GALNT13: variants seen among roughly 807,000 people sequenced by gnomAD.
GALNT13 encodes polypeptide N-acetylgalactosaminyltransferase 13, also known as UDP-GalNAc:polypeptide N-acetylgalactosaminyltransferase 13.
GALNT13 carries 28 observed loss-of-function variants against 64.2 expected under a neutral mutation model. That is an observed-to-expected ratio of 0.44 (90% CI 0.32 to 0.60). The LOEUF is 0.60. Among genes scored for constraint, GALNT13 ranks in the 20% least tolerant of loss-of-function variants. The pLI is 0.05. For synonymous variants in GALNT13, 214 were observed against 224.6 expected, an observed-to-expected ratio of 0.95 and a Z score of 0.42; for missense variants, 577 against 669.8, an observed-to-expected ratio of 0.86 and a Z score of 1.53.
chr2:153,280,882 T>C, the GALNT13 span, among the ~76,000 whole-genome samples: 165 of 152,200 alleles, frequency 1.1e-3, 2 homozygotes, highest in African/African-American at 4.1e-4. Flanking sequence ...TTAGGTCCAA[T>C]TGGTCATGCG....
chr2:153,230,619 C>A, the GALNT13 span, among the ~76,000 whole-genome samples: 1 of 152,164 alleles, frequency 6.6e-6, no homozygotes, highest in African/African-American at 2.4e-5. Context: ...TACAGTAGAG[C>A]AATCATTTCC....
At chr2:153,143,148 C>T in the GALNT13 span, among the ~76,000 whole-genome samples, 3 of 151,882 alleles carry the variant, frequency 2.0e-5, no homozygotes, top group African/African-American at 4.8e-5. Context: ...CATTTTTAGG[C>T]TACTTCTGGT....
intron 3 of GALNT13, among the ~76,000 whole-genome samples, chr2:154,021,257 T>C (rs1397950144): frequency 6.6e-6 from 1 of 152,218 alleles, no homozygotes; most frequent in East Asian, 1.9e-4. Context: ...GGTAGCTTGA[T>C]GGGGATGGCA....
the GALNT13 span, among the ~76,000 whole-genome samples, chr2:153,816,206 G>GTC: frequency 7.3e-4 from 111 of 152,260 alleles, no homozygotes; most frequent in African/African-American, 2.6e-3. Context: ...TACTTTAAAG[G>GTC]TAGTCAGGGA....
chr2:154,088,668 G>A (rs1701652507), intron 3 of GALNT13, among the ~76,000 whole-genome samples: 1 of 152,056 alleles, frequency 6.6e-6, no homozygotes, highest in South Asian at 2.1e-4. Context: ...GGCCATGCTG[G>A]TCTCGAACTC....
chr2:153,914,379 G>T (rs980429081), intron 2 of GALNT13, among the ~76,000 whole-genome samples: 2 of 151,554 alleles, frequency 1.3e-5, no homozygotes, highest in Non-Finnish European at 1.5e-5. Context: ...CAGCTACCTG[G>T]GAGGCTGAAG....
chr2:154,173,222 T>C (rs1021949420), intron 4 of GALNT13, among the ~76,000 whole-genome samples: 1 of 151,914 alleles, frequency 6.6e-6, no homozygotes, highest in African/African-American at 2.4e-5. Flanking sequence ...GAACATACAC[T>C]GGGGAATGAA....
At position 154,192,430 on chromosome 2, in the gene GALNT13, C is replaced by T. The variant is rs544438739; in HGVS notation, c.312-49600C>T. ...CCGCCCTTCTCCTCCCAGCTCTTCCCTGCCCCACTCCTGTATCACCTACAT... is the reference window on the plus strand; with the variant it reads ...CCGCCCTTCTCCTCCCAGCTCTTCCTTGCCCCACTCCTGTATCACCTACAT... On this transcript the variant is annotated intron_variant, in intron 4 of 12. Transcript: ENST00000392825. Among the ~76,000 whole-genome samples the T allele has an allele frequency of 3.3e-5, 5 of 152,326 alleles. No homozygotes were observed. In the South Asian group the frequency reaches 1.0e-3, roughly 32 times the overall value.
At chr2:153,487,580 G>T in the GALNT13 span, among the ~76,000 whole-genome samples, 1 of 152,274 alleles carries the variant, frequency 6.6e-6, no homozygotes, top group Non-Finnish European at 1.5e-5. Flanking sequence ...AAGCAATTAT[G>T]GTAGCCTGTG....
intron 10 of GALNT13, among the ~76,000 whole-genome samples, chr2:154,400,500 A>G (rs939486679): frequency 3.9e-5 from 6 of 152,164 alleles, no homozygotes; most frequent in African/African-American, 1.4e-4. Flanking sequence ...ATTGGAATAT[A>G]TAGAGGCAAA....
At chr2:153,631,906 G>A in the GALNT13 span, among the ~76,000 whole-genome samples, 8 of 152,040 alleles carry the variant, frequency 5.3e-5, no homozygotes, top group East Asian at 1.9e-4. Context: ...GAATGGTATC[G>A]CCTAGGTTTT....
At chr2:154,351,720 A>AAAAAAAAC (rs1696419919) in intron 9 of GALNT13, among the ~76,000 whole-genome samples, 1 of 121,336 alleles carries the variant, frequency 8.2e-6, no homozygotes, top group Non-Finnish European at 1.7e-5. Context: ...AAAAAAAAAA[A>AAAAAAAAC]GCCAGAGCTC....
At chr2:153,813,654 C>T in the GALNT13 span, among the ~76,000 whole-genome samples, 7 of 152,102 alleles carry the variant, frequency 4.6e-5, no homozygotes, top group East Asian at 1.9e-4. Context: ...TACAACTTCC[C>T]GCAAATGATT....
intron 3 of GALNT13, among the ~76,000 whole-genome samples, chr2:153,993,444 C>T (rs939052960): frequency 4.0e-5 from 6 of 151,690 alleles, no homozygotes; most frequent in Non-Finnish European, 8.8e-5. Context: ...ACCTGTAATC[C>T]CAGCACTTTG....
chr2:153,207,389 AGTGTT>A, the GALNT13 span, among the ~76,000 whole-genome samples: 1 of 152,060 alleles, frequency 6.6e-6, no homozygotes, highest in Admixed American at 6.6e-5. Context: ...GCTTGTAGGA[AGTGTT>A]GTGTTCTTTC....
chr2:153,541,494 T>G, the GALNT13 span, among the ~76,000 whole-genome samples: 7 of 152,116 alleles, frequency 4.6e-5, no homozygotes, highest in Non-Finnish European at 7.3e-5. Flanking sequence ...ATCCTTCTTC[T>G]CCAGTGTGGG....
intron 8 of GALNT13, among the ~76,000 whole-genome samples, chr2:154,300,099 C>CTTTTTTT (rs368475927): frequency 8.5e-6 from 1 of 117,042 alleles, no homozygotes; most frequent in African/African-American, 3.2e-5. Flanking sequence ...TTCTTTCTCT[C>CTTTTTTT]TTTTTTTTTT....
At chr2:153,204,682 C>T in the GALNT13 span, among the ~76,000 whole-genome samples, 1 of 144,734 alleles carries the variant, frequency 6.9e-6, no homozygotes, top group Non-Finnish European at 1.5e-5. Flanking sequence ...CTTCCTTCTT[C>T]TTTATGCCTA....
intron 4 of GALNT13, among the ~76,000 whole-genome samples, chr2:154,224,488 G>GA (rs1159743510): frequency 6.6e-6 from 1 of 151,516 alleles, no homozygotes; most frequent in Non-Finnish European, 1.5e-5. Flanking sequence ...GGAAAGCAAA[G>GA]AAAAAAAGCT....
Sources: allele counts gnomAD v4.1 joint callset (sites outside exome capture counted in the v4.1 genomes callset), GRCh38; gene constraint gnomAD v4.1.1; transcripts MANE v1.5; gene names NCBI Gene and HGNC (gene_info 2026-07-23, HGNC 2026-07-21).